Variants in IFT56 observed in about 807,000 individuals in gnomAD.
IFT56 encodes the protein intraflagellar transport 56.
chr7:139,167,768 G>A, the IFT56 span, among the ~76,000 whole-genome samples: 19 of 151,852 alleles, frequency 1.3e-4, no homozygotes, highest in African/African-American at 4.1e-4. Flanking sequence ...GTGAAACCCC[G>A]TCTCTACTAC....
At chr7:139,166,715 G>T in the IFT56 span, 1 of 532,970 alleles carries the variant, frequency 1.9e-6, no homozygotes. Context: ...AGAGTTAGAA[G>T]ACAGATAAAA....
the IFT56 span, among the ~76,000 whole-genome samples, chr7:139,186,902 G>A: frequency 1.2e-4 from 18 of 150,644 alleles, no homozygotes; most frequent in South Asian, 6.3e-4. Context: ...AGACCATCCT[G>A]GCTAACAAGG....
chr7:139,139,054 C>T, the IFT56 span, among the ~76,000 whole-genome samples: 13 of 152,156 alleles, frequency 8.5e-5, no homozygotes, highest in South Asian at 2.1e-4. Context: ...CCTTGTGATC[C>T]GCCCGCCTCG....
At chr7:139,187,588 G>A in the IFT56 span, 2 of 1,599,466 alleles carry the variant, frequency 1.3e-6, no homozygotes, top group Non-Finnish European at 1.7e-6. Context: ...GCTTGTTTGT[G>A]AGGGAAAATA....
chr7:139,185,111 G>A, the IFT56 span, among the ~76,000 whole-genome samples: 1 of 151,428 alleles, frequency 6.6e-6, no homozygotes, highest in South Asian at 2.1e-4. Flanking sequence ...TGAGGCAGGA[G>A]AATCACTTGA....
the IFT56 span, among the ~76,000 whole-genome samples, chr7:139,143,779 CT>C: frequency 3.3e-5 from 5 of 151,850 alleles, no homozygotes; most frequent in Admixed American, 6.6e-5. Context: ...CCTTTCTTGC[CT>C]TTTTTTGGAT....
the IFT56 span, among the ~76,000 whole-genome samples, chr7:139,172,262 C>G: frequency 6.6e-6 from 1 of 152,182 alleles, no homozygotes; most frequent in Non-Finnish European, 1.5e-5. Context: ...GACCCAGTTG[C>G]TTTTTTCCTG....
the IFT56 span, chr7:139,178,239 G>A: frequency 6.2e-7 from 1 of 1,613,874 alleles, no homozygotes; most frequent in South Asian, 1.1e-5. Flanking sequence ...GGCAGTGCAT[G>A]GCTTCCTGTT....
the IFT56 span, among the ~76,000 whole-genome samples, chr7:139,143,156 T>C: frequency 6.6e-6 from 1 of 152,184 alleles, no homozygotes; most frequent in Non-Finnish European, 1.5e-5. Context: ...CTGAACATCC[T>C]AGAAATGGAC....
At chr7:139,180,569 G>A in the IFT56 span, among the ~76,000 whole-genome samples, 3 of 152,092 alleles carry the variant, frequency 2.0e-5, no homozygotes, top group African/African-American at 4.8e-5. Context: ...AATTAGCTGG[G>A]TGTGGTGGCA....
the IFT56 span, chr7:139,173,603 C>G: frequency 1.2e-6 from 1 of 812,774 alleles, no homozygotes. Context: ...AAAGGTTATT[C>G]TTAATCCATC....
chr7:139,179,543 T>C, the IFT56 span: 1 of 1,593,606 alleles, frequency 6.3e-7, no homozygotes, highest in African/African-American at 1.3e-5. Context: ...AGCATCCTCA[T>C]GTGTATTCCC....
chr7:139,135,289 A>G, the IFT56 span, among the ~76,000 whole-genome samples: 24 of 148,122 alleles, frequency 1.6e-4, no homozygotes, highest in African/African-American at 5.2e-4. Context: ...AAAAAAAAAA[A>G]AAAAAAAAAC....
At chr7:139,175,780 CA>C in the IFT56 span, among the ~76,000 whole-genome samples, 548 of 139,532 alleles carry the variant, frequency 3.9e-3, 5 homozygotes, top group Non-Finnish European at 4.7e-3. Flanking sequence ...AGGATGGCTC[CA>C]AAAAAAAAAA....
chr7:139,145,089 AG>A, the IFT56 span, among the ~76,000 whole-genome samples: 2 of 152,174 alleles, frequency 1.3e-5, no homozygotes, highest in South Asian at 4.1e-4. Context: ...CACATAGAAA[AG>A]GGGCAAATCA....
chr7:139,141,592 T>A, the IFT56 span, among the ~76,000 whole-genome samples: 1 of 152,248 alleles, frequency 6.6e-6, no homozygotes, highest in East Asian at 1.9e-4. Context: ...GTGGTAGCTA[T>A]CTCTATTTCC....
At chr7:139,189,648 A>T in the IFT56 span, 146 of 354,706 alleles carry the variant, frequency 4.1e-4, 1 homozygote, top group Non-Finnish European at 7.3e-5. Flanking sequence ...AGTAGCAATA[A>T]GATTTTGGAC....
At chr7:139,186,756 TCA>T in the IFT56 span, among the ~76,000 whole-genome samples, 1 of 152,088 alleles carries the variant, frequency 6.6e-6, no homozygotes, top group Non-Finnish European at 1.5e-5. Flanking sequence ...ATCACAATCC[TCA>T]GTTTATCCTC....
chr7:139,138,897 G>A, the IFT56 span, among the ~76,000 whole-genome samples: 14 of 148,306 alleles, frequency 9.4e-5, no homozygotes, highest in South Asian at 2.5e-3. Flanking sequence ...TGCAACCTCC[G>A]CCTCCCGGGT....
Sources: gnomAD v4.1 joint callset for allele counts (sites outside exome capture counted in the v4.1 genomes callset) on GRCh38, gnomAD v4.1.1 for gene constraint, MANE v1.5 for transcripts, NCBI Gene and HGNC (gene_info 2026-07-23, HGNC 2026-07-21) for gene names.